RPL22L1: variants seen among roughly 807,000 people sequenced by gnomAD.
RPL22L1 encodes ribosomal protein L22 like 1.
Under a neutral mutation model 17.3 loss-of-function variants are expected in RPL22L1, and 19 were observed. The observed-to-expected ratio is 1.10, with a 90% CI of 0.77 to 1.61. The LOEUF is 1.61. Among genes scored for constraint, RPL22L1 ranks in the 40% most tolerant of loss-of-function variants. RPL22L1 has a pLI of 0.00. For synonymous variants in RPL22L1, 48 were observed against 48.5 expected (o/e 0.99, Z 0.05); for missense variants, 139 against 144.4 (o/e 0.96, Z 0.19).
intron 1 of RPL22L1, 140 bp downstream of exon 1, chr3:170,870,019 G>C (rs756101181): frequency 4.0e-6 from 5 of 1,249,648 alleles, no homozygotes; most frequent in Middle Eastern, 1.9e-4. Context: ...TCGCGTCTTG[G>C]TTGTGTTTCT....
rs1353697245 is a variant in RPL22L1, at chr3:170,865,999, C to T, written c.*381G>A. ...GCCAAACCCTACTCTACTAAAAGTA[C>T]AAAAAATTAGCCGGGCATGGTGGCT... On this transcript the variant is annotated 3_prime_UTR_variant, in exon 4 of 4. Coordinates refer to ENST00000295830, the MANE Select transcript of RPL22L1 (RefSeq NM_001099645.2). 1 of 154,748 alleles carries T rather than the reference C, an allele frequency of 6.5e-6. No homozygotes were observed. The highest frequency in any genetic ancestry group is 1.4e-5 in the Non-Finnish European group (1 of 70,010). The allele number at this position is 154,748 out of a possible 1,614,324, so 9.6% of individuals were successfully genotyped here.
At chr3:170,869,235 T>C (rs773564659) in intron 1 of RPL22L1, among the ~76,000 whole-genome samples, 1 of 152,152 alleles carries the variant, frequency 6.6e-6, no homozygotes, top group Non-Finnish European at 1.5e-5. Context: ...CCAGCAACCA[T>C]GTACATTCAC....
intron 3 of RPL22L1, 52 bp downstream of exon 3, chr3:170,867,961 T>C: frequency 7.2e-7 from 1 of 1,387,412 alleles, no homozygotes; most frequent in Non-Finnish European, 9.8e-7. Context: ...ACATATTCTA[T>C]GAAATATTCC....
At chr3:170,868,819 G>C (rs13094399) in intron 1 of RPL22L1, among the ~76,000 whole-genome samples, 2 of 140,930 alleles carry the variant, frequency 1.4e-5, no homozygotes, top group Non-Finnish European at 3.1e-5. Flanking sequence ...AAAAAAAAAA[G>C]AAAAGAAAAG....
rs141868357 is a variant in RPL22L1, at chr3:170,868,123, T to C, written c.114A>G (p.Leu38=). 1,141 of 1,605,694 alleles carry C rather than the reference T, an allele frequency of 7.1e-4. 14 individuals carry two copies. In the African/African-American group the frequency reaches 0.013, roughly 19 times the overall value. The change falls in exon 3 of 4, where the codon CTA becomes CTG. Residue 38 remains leucine, a synonymous_variant. Transcript: ENST00000295830. ...IFDSGNFEQF[L]REKVKVNGKT... ...TGCCATTGACTTTAACCTTCTCCCG[T>C]AGAAATTGCTCCTATTTTAAAACAG...
chr3:170,868,608 G>A (rs1236051620), intron 1 of RPL22L1, among the ~76,000 whole-genome samples: 6 of 151,884 alleles, frequency 4.0e-5, no homozygotes, highest in South Asian at 2.1e-4. Context: ...AAAAAGTTAC[G>A]GACTTTCATT....
At chr3:170,869,053 G>A (rs373038128) in intron 1 of RPL22L1, among the ~76,000 whole-genome samples, 8 of 151,048 alleles carry the variant, frequency 5.3e-5, no homozygotes, top group Middle Eastern at 3.4e-3. Context: ...CCCGGGAGGC[G>A]GAGGTTGTAG....
chr3:170,868,308 G>T lies in RPL22L1; in HGVS notation c.92C>A (p.Ser31Tyr), dbSNP rs1347641240. Residue 31 changes from serine to tyrosine, a missense_variant, in exon 2 of 4, where the codon TCT (serine) becomes TAT (tyrosine). Ser to Tyr is a moderately radical substitution (Grantham distance 144). Coordinates refer to ENST00000295830, the MANE Select transcript of RPL22L1 (RefSeq NM_001099645.2). ...TAGAATGATACTTACAAAATTTCCA[G>T]AATCAAAAATTCCATCTTCTACTGG... ...THPVEDGIFD[S>Y]GNFEQFLREK... The T allele has an allele frequency of 1.2e-6, 2 of 1,605,010 alleles. No homozygotes were observed. The highest frequency in any genetic ancestry group is 1.7e-6 in the Non-Finnish European group (2 of 1,173,736).
At chr3:170,867,025 T>C (rs1001981338) in intron 3 of RPL22L1, among the ~76,000 whole-genome samples, 3 of 152,218 alleles carry the variant, frequency 2.0e-5, no homozygotes, top group African/African-American at 7.2e-5. Flanking sequence ...TGATTATCTG[T>C]AAGATACTTG....
intron 1 of RPL22L1, among the ~76,000 whole-genome samples, chr3:170,869,128 A>AC (rs1711890260): frequency 1.4e-5 from 2 of 148,042 alleles, no homozygotes; most frequent in Non-Finnish European, 3.0e-5. Context: ...AAAAAAAAAA[A>AC]CCTAAAAACC....
Position 170,868,358 on chromosome 3 carries a change from C to T in RPL22L1, c.42G>A (p.Trp14Ter). ...GATGAGTAAGGTCCAAATTAAACCT[C>T]CAGGTTGACCTCTTGGGCTTCCTGT... Reference protein sequence around the residue: ...QKDRKPKRSTWRFNLDLTHPV... With the variant: ...QKDRKPKRST Residue 14 changes from tryptophan (W) to a stop codon, truncating the protein, a stop_gained, in exon 2 of 4, where the codon TGG (tryptophan) becomes TGA (stop). Coordinates refer to ENST00000295830, the MANE Select transcript of RPL22L1 (RefSeq NM_001099645.2). LOFTEE classifies it high-confidence loss of function. 2 of 1,609,932 alleles carry T rather than the reference C, an allele frequency of 1.2e-6. No homozygotes were observed. Among genetic ancestry groups the T allele is most frequent in the Non-Finnish European group, 1.7e-6 (2 of 1,178,152 alleles).
intron 1 of RPL22L1, among the ~76,000 whole-genome samples, chr3:170,869,454 T>C (rs1446185340): frequency 6.6e-6 from 1 of 152,240 alleles, no homozygotes; most frequent in Admixed American, 6.5e-5. Context: ...ATAGGGTTTA[T>C]GGCCATGCTG....
rs767412824 is a variant in RPL22L1, at chr3:170,868,025, T to C, written c.212A>G (p.Gln71Arg). The change falls in exon 3 of 4, where the codon CAG (glutamine) becomes CGG (arginine). Residue 71 changes from glutamine to arginine, a missense_variant. Coordinates refer to ENST00000295830, the MANE Select transcript of RPL22L1 (RefSeq NM_001099645.2). Reference protein sequence around the residue: ...KNKITVVSEKQFSKRYLKYLT... With the variant: ...KNKITVVSEKRFSKRYLKYLT... ...CAAAAGTACCAACCTTTTAGAGAAC[T>C]GTTTCTCAGAAACAACTGTGATTTT... The C allele has an allele frequency of 3.8e-6, 6 of 1,596,948 alleles. No homozygotes were observed. The highest frequency in any genetic ancestry group is 2.2e-5 in the East Asian group (1 of 44,620).
Position 170,867,795 on chromosome 3 carries a change from G to C in RPL22L1, c.224+218C>G, listed in dbSNP as rs981311868. ...ACAGGGCCTATAATTTACTGGACTG[G>C]GACTGTGGACACAACTGGCTCATAT... On this transcript the variant is annotated intron_variant, in intron 3 of 3. Transcript: ENST00000295830. Among the ~76,000 whole-genome samples, 9 of 151,894 alleles carry C rather than the reference G, an allele frequency of 5.9e-5. No individual in the cohort carries two copies. The South Asian group carries it at 1.0e-3, about 18-fold the overall frequency.
intron 3 of RPL22L1, among the ~76,000 whole-genome samples, 162 bp from the exon 4 acceptor site, chr3:170,866,686 A>G (rs1711782612): frequency 6.6e-6 from 1 of 152,170 alleles, no homozygotes; most frequent in Admixed American, 6.6e-5. Flanking sequence ...TAAGACTGTT[A>G]GGGTAGCATC....
intron 3 of RPL22L1, among the ~76,000 whole-genome samples, chr3:170,867,435 A>G (rs1308251991): frequency 6.6e-6 from 1 of 152,006 alleles, no homozygotes; most frequent in Non-Finnish European, 1.5e-5. Flanking sequence ...AAACTCTGCA[A>G]CTAGTTTTAT....
chr3:170,868,422 A>G (rs1198100641), intron 1 of RPL22L1, 32 bp from the exon 2 acceptor site: 1 of 1,300,996 alleles, frequency 7.7e-7, no homozygotes, highest in Non-Finnish European at 1.1e-6. Flanking sequence ...ATGTAGCTAT[A>G]TAAAACAACT....
rs547309473 is a variant in RPL22L1, at chr3:170,865,182, A to G, written c.*1198T>C. The G allele has an allele frequency of 6.6e-6, 1 of 152,366 alleles. No individual in the cohort carries two copies. The highest frequency in any genetic ancestry group is 1.5e-5 in the Non-Finnish European group (1 of 68,036). The allele number at this position is 152,366 out of a possible 1,614,324, so 9.4% of individuals were successfully genotyped here. On this transcript the variant is annotated 3_prime_UTR_variant, in exon 4 of 4. Coordinates refer to ENST00000295830, the MANE Select transcript of RPL22L1 (RefSeq NM_001099645.2). ...CGATGATGGGGGCACTTAAATTTTT[A>G]GGAAAACGAATTAAAACATTGAATT... is the stretch of plus-strand genomic sequence containing the variant.
chr3:170,866,313 T>C lies in RPL22L1; in HGVS notation c.*67A>G. On this transcript the variant is annotated 3_prime_UTR_variant, in exon 4 of 4. Transcript: ENST00000295830. ...CACTGATAAACTAAAAGCCAATTTC[T>C]TGGTATTTCTCATGTATACTTCATT... The C allele has an allele frequency of 2.2e-6, 3 of 1,351,558 alleles. No homozygotes were observed. The highest frequency in any genetic ancestry group is 3.0e-6 in the Non-Finnish European group (3 of 1,005,722). The allele number at this position is 1,351,558 out of a possible 1,614,324, so 83.7% of individuals were successfully genotyped here.
Sources: gnomAD v4.1 joint callset for allele counts (sites outside exome capture counted in the v4.1 genomes callset) on GRCh38, gnomAD v4.1.1 for gene constraint, MANE v1.5 for transcripts, NCBI Gene and HGNC (gene_info 2026-07-23, HGNC 2026-07-21) for gene names.